The following JAZF1 variants were observed in gnomAD, a reference collection of about 807,000 sequenced individuals.
JAZF1 encodes the protein juxtaposed with another zinc finger protein 1.
A neutral mutation model predicts 26.4 loss-of-function variants in JAZF1; 8 were observed. That is an observed-to-expected ratio of 0.30 (90% CI 0.18 to 0.55). The LOEUF (loss-of-function observed/expected upper bound fraction) is 0.55, where lower values mean the gene tolerates loss of function less well. JAZF1 is among the 20% of genes least tolerant of loss of function. The pLI, the probability that JAZF1 is intolerant of heterozygous loss-of-function variation, is 0.94. For missense variants in JAZF1, 199 were observed against 322.0 expected, an observed-to-expected ratio of 0.62 and a Z score of 2.92; for synonymous variants, 126 against 122.3, an observed-to-expected ratio of 1.03 and a Z score of -0.20.
intron 1 of JAZF1, among the ~76,000 whole-genome samples, chr7:28,031,430 C>T (rs1328119141): frequency 2.0e-5 from 3 of 152,096 alleles, no homozygotes; most frequent in African/African-American, 7.2e-5. Context: ...GACGCTCACT[C>T]CCAATATCCC....
At chr7:28,081,368 G>C (rs1018583940) in intron 1 of JAZF1, among the ~76,000 whole-genome samples, 20 of 152,180 alleles carry the variant, frequency 1.3e-4, no homozygotes, top group African/African-American at 4.6e-4. Flanking sequence ...GAGTGCCTGG[G>C]GGGCTGTGCC....
chr7:28,141,005 T>C (rs1241027085), intron 1 of JAZF1, among the ~76,000 whole-genome samples: 1 of 152,228 alleles, frequency 6.6e-6, no homozygotes, highest in Non-Finnish European at 1.5e-5. Flanking sequence ...GCTGTGAATA[T>C]CTGGTGGCAA....
chr7:27,850,386 T>C (rs576957055), intron 3 of JAZF1, among the ~76,000 whole-genome samples: 1 of 152,344 alleles, frequency 6.6e-6, no homozygotes, highest in African/African-American at 2.4e-5. Context: ...CATTCTCCCC[T>C]GTCTCCTCCT....
At chr7:27,877,404 G>A (rs892517226) in intron 3 of JAZF1, among the ~76,000 whole-genome samples, 10 of 152,158 alleles carry the variant, frequency 6.6e-5, no homozygotes, top group Admixed American at 6.5e-4. Context: ...GGGGTATGGG[G>A]TAAAATGCTC....
At chr7:28,080,900 A>T (rs764260478) in intron 1 of JAZF1, among the ~76,000 whole-genome samples, 9 of 151,806 alleles carry the variant, frequency 5.9e-5, no homozygotes, top group Admixed American at 6.5e-5. Flanking sequence ...AGCACATGCC[A>T]TTGGGAAAAT....
At chr7:27,857,093 C>A (rs967798029) in intron 3 of JAZF1, among the ~76,000 whole-genome samples, 1 of 152,222 alleles carries the variant, frequency 6.6e-6, no homozygotes, top group Admixed American at 6.5e-5. Context: ...AACTGGGCGC[C>A]GTGGAGCAGG....
intron 2 of JAZF1, among the ~76,000 whole-genome samples, chr7:27,900,399 A>C (rs2052232015): frequency 6.6e-6 from 1 of 152,224 alleles, no homozygotes; most frequent in African/African-American, 2.4e-5. Context: ...ATTTACATTA[A>C]CATTTTATCT....
chr7:28,071,641 C>T (rs1334205837), intron 1 of JAZF1: 1 of 471,780 alleles, frequency 2.1e-6, no homozygotes. Context: ...CATACAGACC[C>T]AAGGACGGAC....
At chr7:28,017,540 C>A (rs1782917194) in intron 1 of JAZF1, among the ~76,000 whole-genome samples, 1 of 152,062 alleles carries the variant, frequency 6.6e-6, no homozygotes, top group East Asian at 1.9e-4. Context: ...ATTTTAGAAA[C>A]ACAGACCTTC....
intron 1 of JAZF1, among the ~76,000 whole-genome samples, chr7:28,055,237 T>G (rs924651162): frequency 6.6e-6 from 1 of 152,078 alleles, no homozygotes; most frequent in Admixed American, 6.6e-5. Context: ...CCATCCCCTT[T>G]TTGCATCACT....
intron 2 of JAZF1, among the ~76,000 whole-genome samples, chr7:27,909,913 G>C (rs904201558): frequency 6.6e-6 from 1 of 152,270 alleles, no homozygotes; most frequent in African/African-American, 2.4e-5. Context: ...AGACAGAAGA[G>C]AACAAAGGGA....
chr7:28,092,293 A>AGGC (rs1784312344), intron 1 of JAZF1, among the ~76,000 whole-genome samples: 1 of 93,456 alleles, frequency 1.1e-5, no homozygotes, highest in South Asian at 4.1e-4. Context: ...CAAAAGGCAA[A>AGGC]AAAAAAAAAA....
chr7:28,040,183 C>A (rs973407717), intron 1 of JAZF1, among the ~76,000 whole-genome samples: 1 of 152,174 alleles, frequency 6.6e-6, no homozygotes, highest in African/African-American at 2.4e-5. Flanking sequence ...TTCAATTTTA[C>A]ATAATGTTTG....
intron 3 of JAZF1, among the ~76,000 whole-genome samples, chr7:27,872,622 G>A (rs1220558372): frequency 6.6e-6 from 1 of 152,148 alleles, no homozygotes; most frequent in Non-Finnish European, 1.5e-5. Flanking sequence ...AAAAACAGTT[G>A]AACTGGGGAA....
chr7:28,007,860 C>T (rs1250412062), intron 1 of JAZF1, among the ~76,000 whole-genome samples: 1 of 152,186 alleles, frequency 6.6e-6, no homozygotes, highest in African/African-American at 2.4e-5. Flanking sequence ...CATGCATGGC[C>T]TCTCCCATTA....
intron 2 of JAZF1, among the ~76,000 whole-genome samples, chr7:27,897,474 C>T (rs1396832665): frequency 6.6e-6 from 1 of 151,864 alleles, no homozygotes; most frequent in African/African-American, 2.4e-5. Context: ...TCCCTTTCTA[C>T]ACGGGAGTCT....
At chr7:28,066,648 A>C (rs1783888265) in intron 1 of JAZF1, among the ~76,000 whole-genome samples, 1 of 151,610 alleles carries the variant, frequency 6.6e-6, no homozygotes. Context: ...TAACAACAAA[A>C]GGTGGGAACC....
chr7:27,831,212 T>G lies in JAZF1; in HGVS notation c.*1588A>C, dbSNP rs1003642337. ...CCCTCATAATGAAGGATTTTAGAAC[T>G]TATGAATATAGAGGTTTACTCATCT... On this transcript the variant is annotated 3_prime_UTR_variant, in exon 5 of 5. Transcript: ENST00000283928. 8.9e-6 allele frequency: 2 copies of G among 223,744 alleles called. No homozygotes were observed. The highest frequency in any genetic ancestry group is 1.8e-5 in the Non-Finnish European group (2 of 111,840). 13.9% of individuals were successfully genotyped at this position (223,744 alleles called of 1,614,324 possible).
chr7:27,865,745 C>T lies in JAZF1; in HGVS notation c.386-24878G>A, dbSNP rs76566179. Among the ~76,000 whole-genome samples the T allele has an allele frequency of 2.8e-3, 432 of 152,222 alleles. 3 individuals are homozygous for T. Among genetic ancestry groups the T allele is most frequent in the African/African-American group, 9.8e-3 (406 of 41,532 alleles). On this transcript the variant is annotated intron_variant, in intron 3 of 4. Coordinates refer to ENST00000283928, the MANE Select transcript of JAZF1 (RefSeq NM_175061.4). The stretch of plus-strand genomic sequence containing the variant: ...CCGGGGAGCAGAGCTGTTGCCAATC[C>T]AACTTCCGTAGCTTCAGAAGGGCCC...
Sources: allele counts gnomAD v4.1 joint callset (sites outside exome capture counted in the v4.1 genomes callset), GRCh38; gene constraint gnomAD v4.1.1; transcripts MANE v1.5; gene names NCBI Gene and HGNC (gene_info 2026-07-23, HGNC 2026-07-21).